Variants in TRAPPC9 observed in about 807,000 individuals in gnomAD.
The protein encoded by TRAPPC9 is IKK2 binding protein.
A neutral mutation model predicts 124.0 loss-of-function variants in TRAPPC9; 83 were observed. The observed-to-expected ratio is 0.67, with a 90% CI of 0.56 to 0.80. The LOEUF (loss-of-function observed/expected upper bound fraction) is 0.80. Among genes scored for constraint, TRAPPC9 ranks in the 30% least tolerant of loss-of-function variants. The pLI, the probability that TRAPPC9 is intolerant of heterozygous loss-of-function variation, is 0.00. For missense variants in TRAPPC9, 1,302 were observed against 1,508.3 expected, an observed-to-expected ratio of 0.86 and a Z score of 2.27; for synonymous variants, 638 against 617.5, an observed-to-expected ratio of 1.03 and a Z score of -0.49.
Position 140,353,895 on chromosome 8 carries a change from G to A in TRAPPC9, c.1495+6155C>T, listed in dbSNP as rs2067659682. 6.6e-6 allele frequency among the ~76,000 whole-genome samples: 1 copy of A among 152,202 alleles called. No homozygotes were observed. Among genetic ancestry groups the A allele is most frequent in the African/African-American group, 2.4e-5 (1 of 41,458 alleles). ...GAGGAGCTTAGAGGCTTGCTGGGTG[G>A]GCAAACAGACCAACACCTCCACAGC... On this transcript the variant is annotated intron_variant, in intron 9 of 22. Transcript: ENST00000438773. The surrounding 1 kb of genome is among the most constrained non-coding windows in gnomAD (Gnocchi z 4.2).
intron 7 of TRAPPC9, among the ~76,000 whole-genome samples, chr8:140,377,874 C>T (rs201012500): frequency 2.0e-5 from 3 of 151,938 alleles, no homozygotes; most frequent in East Asian, 1.9e-4. Flanking sequence ...GCAGGTGAAT[C>T]GCTTGAACCC....
intron 15 of TRAPPC9, among the ~76,000 whole-genome samples, chr8:140,258,776 A>G (rs1025152418): frequency 2.0e-5 from 3 of 152,236 alleles, no homozygotes; most frequent in African/African-American, 4.8e-5. Context: ...CAGAAAACCA[A>G]TGGGGCCTGC....
chr8:140,238,528 T>C (rs572834295), intron 16 of TRAPPC9: 1 of 152,330 alleles, frequency 6.6e-6, no homozygotes, highest in Admixed American at 6.5e-5. Context: ...TCCGGGGAGA[T>C]GGCACGGGCT....
intron 21 of TRAPPC9, among the ~76,000 whole-genome samples, chr8:139,758,783 G>A (rs938999987): frequency 1.1e-4 from 17 of 152,316 alleles, no homozygotes; most frequent in Admixed American, 2.0e-4. Flanking sequence ...GACAGGTAGC[G>A]AAACCGGGTT....
chr8:139,777,703 C>T (rs954917019), intron 21 of TRAPPC9, among the ~76,000 whole-genome samples: 2 of 152,210 alleles, frequency 1.3e-5, no homozygotes, highest in Non-Finnish European at 2.9e-5. Flanking sequence ...TACCCTCCGC[C>T]TGGAACAAAC....
chr8:140,250,787 C>G (rs551195489), intron 16 of TRAPPC9, among the ~76,000 whole-genome samples: 1 of 152,274 alleles, frequency 6.6e-6, no homozygotes, highest in South Asian at 2.1e-4. Context: ...ATAAAGGGGG[C>G]ATCTCATGAG....
intron 4 of TRAPPC9, among the ~76,000 whole-genome samples, chr8:140,434,216 G>A (rs1014624521): frequency 3.9e-5 from 6 of 152,098 alleles, no homozygotes; most frequent in African/African-American, 9.7e-5. Context: ...GTGTACTTTC[G>A]TTTTCAATAA....
intron 14 of TRAPPC9, among the ~76,000 whole-genome samples, chr8:140,278,130 G>C (rs1481998245): frequency 4.0e-5 from 6 of 150,158 alleles, no homozygotes; most frequent in Non-Finnish European, 8.9e-5. Flanking sequence ...TTTTGAGATA[G>C]TCTCGCTCTG....
At chr8:140,405,752 C>T (rs1302022401) in intron 5 of TRAPPC9, 54 bp from the exon 6 acceptor site, 1 of 1,607,888 alleles carries the variant, frequency 6.2e-7, no homozygotes, top group Non-Finnish European at 8.5e-7. Flanking sequence ...TGTATTATTT[C>T]TTTGTTAAAG....
chr8:140,031,054 G>A (rs1840465557), intron 17 of TRAPPC9, among the ~76,000 whole-genome samples: 1 of 152,158 alleles, frequency 6.6e-6, no homozygotes, highest in East Asian at 1.9e-4. Flanking sequence ...ACCATTAATA[G>A]ACATACAATC....
intron 9 of TRAPPC9, among the ~76,000 whole-genome samples, chr8:140,336,489 C>T (rs1461930870): frequency 6.6e-6 from 1 of 152,164 alleles, no homozygotes; most frequent in African/African-American, 2.4e-5. Flanking sequence ...ATTTCCTGCC[C>T]TTCCCCAGCC....
intron 19 of TRAPPC9, among the ~76,000 whole-genome samples, chr8:139,948,886 G>GGCCAACATGGGGAAACCCT (rs1338478900): frequency 2.0e-5 from 3 of 152,172 alleles, no homozygotes; most frequent in African/African-American, 7.2e-5. Context: ...AGACCAGCCT[G>GGCCAACATGGGGAAACCCT]GCCAACATGG....
At chr8:139,757,231 T>A (rs1819897186) in intron 21 of TRAPPC9, among the ~76,000 whole-genome samples, 1 of 124,838 alleles carries the variant, frequency 8.0e-6, no homozygotes, top group African/African-American at 3.3e-5. Flanking sequence ...GGACAGCATG[T>A]CGCAGGAGGA....
At chr8:140,243,303 C>G (rs760873209) in intron 16 of TRAPPC9, among the ~76,000 whole-genome samples, 1 of 152,110 alleles carries the variant, frequency 6.6e-6, no homozygotes, top group African/African-American at 2.4e-5. Flanking sequence ...TCCTCTACAA[C>G]GAAACAGATG....
chr8:139,749,414 C>T (rs1819165575), intron 21 of TRAPPC9, among the ~76,000 whole-genome samples: 1 of 152,208 alleles, frequency 6.6e-6, no homozygotes, highest in African/African-American at 2.4e-5. Context: ...TGAGCCTCAG[C>T]GTCCCCATTG....
rs1333302221 is a variant in TRAPPC9, at chr8:140,356,564, G to A, written c.1495+3486C>T. 3.0e-5 allele frequency among the ~76,000 whole-genome samples: 4 copies of A among 135,524 alleles called. No individual in the cohort carries two copies. In the South Asian group the frequency reaches 6.3e-4, roughly 21 times the overall value. The allele number at this position is 135,524 out of a possible 152,430, so 88.9% of individuals were successfully genotyped here. ...AACAGAAAAACACGATGCAGCATAC[G>A]TATACACACACATACAGTGTACAAA... On this transcript the variant is annotated intron_variant, in intron 9 of 22. Coordinates refer to ENST00000438773, the MANE Select transcript of TRAPPC9 (RefSeq NM_001160372.4).
intron 19 of TRAPPC9, among the ~76,000 whole-genome samples, chr8:139,959,556 G>C (rs535990341): frequency 6.6e-6 from 1 of 152,178 alleles, no homozygotes; most frequent in Non-Finnish European, 1.5e-5. Context: ...GAAGAGCACT[G>C]CCAGGGTCCA....
At chr8:139,814,047 T>G (rs1824640644) in intron 21 of TRAPPC9, among the ~76,000 whole-genome samples, 1 of 152,142 alleles carries the variant, frequency 6.6e-6, no homozygotes, top group African/African-American at 2.4e-5. Flanking sequence ...AGTCCCCTTT[T>G]CTCTCCCTGC....
chr8:140,372,952 G>A (rs536351244), intron 7 of TRAPPC9, among the ~76,000 whole-genome samples: 121 of 152,192 alleles, frequency 8.0e-4, no homozygotes, highest in Non-Finnish European at 7.6e-4. Flanking sequence ...ACTGTAAAAT[G>A]GAGCCCAAAT....
Sources: gnomAD v4.1 joint callset for allele counts (sites outside exome capture counted in the v4.1 genomes callset) on GRCh38, gnomAD v4.1.1 for gene constraint, Gnocchi (gnomAD v3.1) non-coding constraint, MANE v1.5 for transcripts, NCBI Gene and HGNC (gene_info 2026-07-23, HGNC 2026-07-21) for gene names.